The following PDE4D variants were observed in gnomAD, a reference collection of about 807,000 sequenced individuals.
PDE4D encodes 3',5'-cyclic-AMP phosphodiesterase 4D.
In PDE4D, 24 loss-of-function variants were observed where a neutral mutation model predicts 87.4. The ratio of observed to expected loss-of-function variants is 0.27; its 90% CI spans 0.20 to 0.39. The LOEUF (loss-of-function observed/expected upper bound fraction) is 0.39, where lower values mean the gene tolerates loss of function less well. PDE4D is among the 10% of genes least tolerant of loss of function. The probability of loss-of-function intolerance (pLI) is 1.00; values close to 1 mark genes in which losing one functional copy is unlikely to be tolerated. For missense variants in PDE4D, 714 were observed against 1,041.0 expected (o/e 0.69, Z 4.32); for synonymous variants, 384 against 383.2 (o/e 1.00, Z -0.02).
At chr5:60,148,780 C>G (rs1399389628) in intron 2 of PDE4D, among the ~76,000 whole-genome samples, 1 of 152,108 alleles carries the variant, frequency 6.6e-6, no homozygotes, top group Non-Finnish European at 1.5e-5. Context: ...ATGAAAAAGG[C>G]ATAGTTGGCA....
intron 2 of PDE4D, among the ~76,000 whole-genome samples, chr5:59,211,196 C>A (rs1001418824): frequency 1.3e-5 from 2 of 152,124 alleles, no homozygotes; most frequent in African/African-American, 4.8e-5. Context: ...TTACTAGACT[C>A]ATGCTAATAC....
intron 3 of PDE4D, among the ~76,000 whole-genome samples, chr5:59,185,583 A>G (rs1742715834): frequency 6.6e-6 from 1 of 152,192 alleles, no homozygotes; most frequent in African/African-American, 2.4e-5. Flanking sequence ...ATTTTTGCAC[A>G]TTTCAAATAG....
At chr5:59,817,403 CTAA>C (rs1290288656) in intron 1 of PDE4D, among the ~76,000 whole-genome samples, 1 of 152,096 alleles carries the variant, frequency 6.6e-6, no homozygotes, top group African/African-American at 2.4e-5. Flanking sequence ...ATTTAGATTA[CTAA>C]TACCGGGAGG....
At chr5:60,185,496 C>G in intron 2 of PDE4D, 2 of 1,183,572 alleles carry the variant, frequency 1.7e-6, no homozygotes, top group South Asian at 1.4e-5. Flanking sequence ...AATCCAAAAC[C>G]AAAACTAAAA....
chr5:60,475,940 A>T (rs1748283287), intron 1 of PDE4D, among the ~76,000 whole-genome samples: 1 of 151,406 alleles, frequency 6.6e-6, no homozygotes, highest in Non-Finnish European at 1.5e-5. Flanking sequence ...TAGATAATCA[A>T]TAAGGGGTAA....
chr5:59,584,805 TC>T (rs1824820269), intron 1 of PDE4D, among the ~76,000 whole-genome samples: 1 of 152,006 alleles, frequency 6.6e-6, no homozygotes. Flanking sequence ...TAATTTCCCC[TC>T]CCAAGCAAAT....
At chr5:59,728,807 G>A (rs1347527050) in intron 1 of PDE4D, among the ~76,000 whole-genome samples, 1 of 152,044 alleles carries the variant, frequency 6.6e-6, no homozygotes, top group Non-Finnish European at 1.5e-5. Flanking sequence ...GGTAGAGCAA[G>A]ATTTAAAATA....
intron 3 of PDE4D, among the ~76,000 whole-genome samples, chr5:59,967,693 T>A (rs1760204180): frequency 1.3e-5 from 2 of 152,106 alleles, no homozygotes; most frequent in South Asian, 4.1e-4. Context: ...TCTGGAGATT[T>A]CTCAAAGAAC....
intron 1 of PDE4D, among the ~76,000 whole-genome samples, chr5:59,735,665 A>G (rs1431924877): frequency 6.6e-6 from 1 of 152,092 alleles, no homozygotes; most frequent in Non-Finnish European, 1.5e-5. Context: ...TCTATCACAG[A>G]AACAAAACTT....
At chr5:59,443,675 T>G (rs1380915201) in intron 1 of PDE4D, among the ~76,000 whole-genome samples, 1 of 152,208 alleles carries the variant, frequency 6.6e-6, no homozygotes, top group Non-Finnish European at 1.5e-5. Flanking sequence ...GAACAGATGG[T>G]ACAACCATAT....
At chr5:59,289,839 A>G (rs1279290865) in intron 1 of PDE4D, among the ~76,000 whole-genome samples, 1 of 152,080 alleles carries the variant, frequency 6.6e-6, no homozygotes, top group African/African-American at 2.4e-5. Flanking sequence ...GTTGTAGGAT[A>G]CAAAACAAAC....
chr5:59,408,636 C>T (rs1301114720), intron 1 of PDE4D, among the ~76,000 whole-genome samples: 1 of 152,192 alleles, frequency 6.6e-6, no homozygotes, highest in Non-Finnish European at 1.5e-5. Context: ...TCAACTCCAA[C>T]CCATGAGAGC....
At position 59,893,363 on chromosome 5, in the gene PDE4D, G is replaced by T; in HGVS notation, c.260C>A (p.Pro87Gln). 8.1e-7 allele frequency: 1 copy of T among 1,237,422 alleles called. No homozygotes were observed. The highest frequency in any genetic ancestry group is 1.6e-5 in the African/African-American group (1 of 63,086). The allele number at this position is 1,237,422 out of a possible 1,614,324, so 76.7% of individuals were successfully genotyped here. The change falls in exon 1 of 15, where the codon CCG becomes CAG. Residue 87 changes from proline to glutamine, a missense_variant. Physicochemically the swap from Pro to Gln is moderately conservative, Grantham distance 76. Transcript: ENST00000340635. ...PPPPLPPPPP[P>Q]PGAARGRYAS... The stretch of plus-strand genomic sequence containing the variant: ...GTAGCGGCCGCGGGCAGCCCCGGGC[G>T]GCGGCGGGGGCGGCGGCAGGGGGGG...
intron 1 of PDE4D, among the ~76,000 whole-genome samples, chr5:60,437,545 C>T (rs552577272): frequency 1.3e-5 from 2 of 152,238 alleles, no homozygotes; most frequent in Non-Finnish European, 2.9e-5. Flanking sequence ...AAGGTTCTCT[C>T]TGTTTCCCAA....
At chr5:60,517,024 A>G (rs748663371) in intron 1 of PDE4D, among the ~76,000 whole-genome samples, 42 of 151,788 alleles carry the variant, frequency 2.8e-4, no homozygotes, top group Non-Finnish European at 5.9e-5. Context: ...AAACCCCCCT[A>G]CCCCCACAGG....
chr5:59,812,375 A>T (rs1768453673), intron 1 of PDE4D, among the ~76,000 whole-genome samples: 2 of 152,172 alleles, frequency 1.3e-5, no homozygotes, highest in African/African-American at 4.8e-5. Context: ...AGACCCTCAA[A>T]TGTATCAAGT....
intron 1 of PDE4D, among the ~76,000 whole-genome samples, chr5:59,495,834 T>C (rs1807085429): frequency 6.6e-6 from 1 of 152,020 alleles, no homozygotes; most frequent in Non-Finnish European, 1.5e-5. Context: ...ATGCAGGTTG[T>C]GGGGGTCGAT....
chr5:60,305,202 C>T (rs1754379623), intron 1 of PDE4D, among the ~76,000 whole-genome samples: 1 of 151,664 alleles, frequency 6.6e-6, no homozygotes, highest in African/African-American at 2.4e-5. Context: ...AATAAATTGG[C>T]CTTTATGAAA....
At chr5:60,169,886 T>A (rs1010786935) in intron 2 of PDE4D, among the ~76,000 whole-genome samples, 2 of 152,078 alleles carry the variant, frequency 1.3e-5, no homozygotes, top group Admixed American at 6.5e-5. Flanking sequence ...TAATTTTATA[T>A]CATTTTACTT....
Sources: allele counts gnomAD v4.1 joint callset (sites outside exome capture counted in the v4.1 genomes callset), GRCh38; gene constraint gnomAD v4.1.1; transcripts MANE v1.5; gene names NCBI Gene and HGNC (gene_info 2026-07-23, HGNC 2026-07-21).